The following CNOT6L variants were observed in gnomAD, a reference collection of about 807,000 sequenced individuals.
CNOT6L encodes CCR4-NOT transcription complex subunit 6 like.
CNOT6L carries 7 observed loss-of-function variants against 64.0 expected under a neutral mutation model. The observed-to-expected ratio is 0.11, with a 90% CI of 0.06 to 0.21. CNOT6L has a LOEUF of 0.21. Among genes scored for constraint, CNOT6L ranks in the 10% least tolerant of loss-of-function variants. The pLI is 1.00. For missense variants in CNOT6L, 245 were observed against 669.0 expected (o/e 0.37, Z 6.99); for synonymous variants, 193 against 243.4 (o/e 0.79, Z 1.93).
intron 1 of CNOT6L, among the ~76,000 whole-genome samples, chr4:77,809,264 A>AT (rs973107632): frequency 6.6e-6 from 1 of 152,122 alleles, no homozygotes; most frequent in African/African-American, 2.4e-5. Flanking sequence ...TAGATTACAC[A>AT]TTTAAAGGGA....
Position 77,742,202 on chromosome 4 carries a change from T to C in CNOT6L, c.811A>G (p.Ile271Val), listed in dbSNP as rs778566756. Residue 271 changes from isoleucine to valine, a missense_variant, in exon 8 of 12, where the codon ATC becomes GTC. Transcript: ENST00000504123. ...GFFSPKSRAK[I>V]MSEQERKHVD... ...TGCTTTCTCTCCTGCTCAGACATGATTTTGGCACGTGACTTTGGAGAAAAA... is the reference window on the plus strand; with the variant it reads ...TGCTTTCTCTCCTGCTCAGACATGACTTTGGCACGTGACTTTGGAGAAAAA... 15 of 1,613,448 alleles carry C rather than the reference T, an allele frequency of 9.3e-6. No individual in the cohort carries two copies. The highest frequency in any genetic ancestry group is 1.2e-5 in the Non-Finnish European group (14 of 1,179,686).
intron 1 of CNOT6L, among the ~76,000 whole-genome samples, chr4:77,815,708 T>C (rs1254707609): frequency 1.3e-5 from 2 of 152,184 alleles, no homozygotes; most frequent in Non-Finnish European, 2.9e-5. Flanking sequence ...ATGTTTGTCA[T>C]TTAAGTCTGG....
upstream of CNOT6L, among the ~76,000 whole-genome samples, chr4:77,819,918 G>A (rs893040383): frequency 6.6e-6 from 1 of 150,960 alleles, no homozygotes; most frequent in African/African-American, 2.4e-5. Context: ...CGCAAGAGAG[G>A]CCCCGCGGCC....
Position 77,816,982 on chromosome 4 carries a change from T to C in CNOT6L, c.5+2322A>G, listed in dbSNP as rs189648384. Among the ~76,000 whole-genome samples, 650 of 152,302 alleles carry C rather than the reference T, an allele frequency of 4.3e-3. 7 individuals are homozygous for C. The highest frequency in any genetic ancestry group is 0.015 in the African/African-American group (626 of 41,584). ...AATTAAGTGGACAGAGGATTTTACC[T>C]TATATTCAGAGAAATATTCTAAGAA... On this transcript the variant is annotated intron_variant, in intron 1 of 11. Coordinates refer to ENST00000504123, the MANE Select transcript of CNOT6L (RefSeq NM_144571.3).
intron 4 of CNOT6L, among the ~76,000 whole-genome samples, chr4:77,770,813 C>T (rs150465969): frequency 1.5e-3 from 230 of 152,198 alleles, no homozygotes; most frequent in African/African-American, 5.3e-3. Flanking sequence ...CAAAGACAAT[C>T]GTTTGGAAAA....
chr4:77,746,719 T>C (rs1233084947), intron 6 of CNOT6L, among the ~76,000 whole-genome samples: 1 of 152,230 alleles, frequency 6.6e-6, no homozygotes, highest in African/African-American at 2.4e-5. Context: ...AATGGTGTTT[T>C]TAACATCAGA....
At chr4:77,753,802 C>G (rs1725135617) in intron 5 of CNOT6L, among the ~76,000 whole-genome samples, 1 of 146,886 alleles carries the variant, frequency 6.8e-6, no homozygotes, top group Non-Finnish European at 1.5e-5. Flanking sequence ...GTATAACATA[C>G]AAAAAAACCA....
intron 8 of CNOT6L, among the ~76,000 whole-genome samples, chr4:77,732,372 A>T (rs557035465): frequency 1.3e-5 from 2 of 152,236 alleles, no homozygotes; most frequent in East Asian, 3.9e-4. Context: ...TAATTTGTGA[A>T]ATATTTATAA....
chr4:77,725,901 T>A (rs1241832813), intron 11 of CNOT6L, among the ~76,000 whole-genome samples: 5 of 152,110 alleles, frequency 3.3e-5, no homozygotes, highest in Admixed American at 3.3e-4. Flanking sequence ...CTTTGACCAG[T>A]GCCTGGTACC....
intron 4 of CNOT6L, among the ~76,000 whole-genome samples, chr4:77,758,325 T>G (rs1280495042): frequency 1.3e-5 from 2 of 152,178 alleles, no homozygotes; most frequent in Non-Finnish European, 2.9e-5. Context: ...GGCAGCAGAT[T>G]AGACACAGCT....
At position 77,796,381 on chromosome 4, in the gene CNOT6L, G is replaced by T. The variant is rs539282470; in HGVS notation, c.6-19989C>A. Among the ~76,000 whole-genome samples the T allele has an allele frequency of 9.0e-4, 137 of 152,186 alleles. 6 individuals are homozygous for T. The South Asian group carries it at 0.028, about 32-fold the overall frequency. On this transcript the variant is annotated intron_variant, in intron 1 of 11. Coordinates refer to ENST00000504123, the MANE Select transcript of CNOT6L (RefSeq NM_144571.3). ...TTGGTGGGAAGTGATTGAATCATGG[G>T]GGAGGACTTCTCCCTTGCTTTTTCT...
chr4:77,791,181 G>C (rs1480756316), intron 1 of CNOT6L, among the ~76,000 whole-genome samples: 1 of 152,118 alleles, frequency 6.6e-6, no homozygotes, highest in Non-Finnish European at 1.5e-5. Flanking sequence ...GGGAAGCTGA[G>C]GCAGGAAAAT....
At chr4:77,773,043 G>T in intron 4 of CNOT6L, 38 bp downstream of exon 4, 1 of 1,363,718 alleles carries the variant, frequency 7.3e-7, no homozygotes, top group Non-Finnish European at 1.0e-6. Flanking sequence ...CTCTTTAAAA[G>T]GCTCAGAATA....
chr4:77,765,625 C>G lies in CNOT6L; in HGVS notation c.400+7456G>C, dbSNP rs1006158187. 1.4e-3 allele frequency among the ~76,000 whole-genome samples: 219 copies of G among 152,302 alleles called. 1 individual carries two copies. The highest frequency in any genetic ancestry group is 5.2e-3 in the African/African-American group (215 of 41,554). On this transcript the variant is annotated intron_variant, in intron 4 of 11. Coordinates refer to ENST00000504123, the MANE Select transcript of CNOT6L (RefSeq NM_144571.3). ...ATGAAAGACACAGGTCTACTTTATT[C>G]ATGAACATACACAGAAAAATCCTTT...
intron 4 of CNOT6L, among the ~76,000 whole-genome samples, chr4:77,764,064 A>G (rs1726539262): frequency 6.6e-6 from 1 of 152,188 alleles, no homozygotes; most frequent in Non-Finnish European, 1.5e-5. Context: ...ATTTATCTCA[A>G]CTTCCAGAAC....
chr4:77,730,241 C>A (rs148067867), intron 9 of CNOT6L, among the ~76,000 whole-genome samples: 32 of 152,188 alleles, frequency 2.1e-4, no homozygotes, highest in African/African-American at 7.7e-4. Flanking sequence ...TTATATCTGA[C>A]ATAGTCACCT....
chr4:77,755,925 CAAA>C (rs35900749), intron 5 of CNOT6L, among the ~76,000 whole-genome samples: 9 of 129,714 alleles, frequency 6.9e-5, no homozygotes, highest in African/African-American at 2.0e-4. Context: ...AGAGCTTAGG[CAAA>C]AAAAAAAAAA....
chr4:77,724,754 A>G (rs1351198775), intron 11 of CNOT6L, among the ~76,000 whole-genome samples: 5 of 152,098 alleles, frequency 3.3e-5, no homozygotes, highest in Admixed American at 3.3e-4. Context: ...TATTTTCGGG[A>G]ACTTTATCAC....
intron 6 of CNOT6L, among the ~76,000 whole-genome samples, chr4:77,747,806 C>A (rs994442474): frequency 6.6e-5 from 10 of 152,142 alleles, no homozygotes; most frequent in African/African-American, 2.4e-4. Context: ...CACCCCTGGG[C>A]TGGTATTATA....
Sources: allele counts gnomAD v4.1 joint callset (sites outside exome capture counted in the v4.1 genomes callset), GRCh38; gene constraint gnomAD v4.1.1; transcripts MANE v1.5; gene names NCBI Gene and HGNC (gene_info 2026-07-23, HGNC 2026-07-21).